The following PRRC2C variants were observed in gnomAD, a reference collection of about 807,000 sequenced individuals.
PRRC2C encodes the protein protein PRRC2C.
A neutral mutation model predicts 317.2 loss-of-function variants in PRRC2C; 72 were observed. That is an observed-to-expected ratio of 0.23 (90% CI 0.19 to 0.28). PRRC2C has a LOEUF of 0.28. PRRC2C is among the 10% of genes least tolerant of loss of function. The probability of loss-of-function intolerance (pLI) is 1.00; values close to 1 mark genes in which losing one functional copy is unlikely to be tolerated. For missense variants in PRRC2C, 3,074 were observed against 3,459.7 expected (o/e 0.89, Z 2.80); for synonymous variants, 1,296 against 1,205.9 (o/e 1.07, Z -1.55).
chr1:171,584,482 A>G lies in PRRC2C; in HGVS notation c.7705A>G (p.Thr2569Ala). ...TGGACAAGTACAACAGCCTGGTCAGACAAATTTTTATAACACTGCCCAGTC... is the reference window on the plus strand; with the variant it reads ...TGGACAAGTACAACAGCCTGGTCAGGCAAATTTTTATAACACTGCCCAGTC... Reference protein sequence around the residue: ...YSGQVQQPGQTNFYNTAQSPS... With the variant: ...YSGQVQQPGQANFYNTAQSPS... The change falls in exon 30 of 35, where the codon ACA becomes GCA. Residue 2569 changes from threonine (T) to alanine (A), a missense_variant. By Grantham distance (58) the Thr-to-Ala change is moderately conservative. Transcript: ENST00000647382. 2 of 1,595,384 alleles carry G rather than the reference A, an allele frequency of 1.3e-6. No individual in the cohort carries two copies. The highest frequency in any genetic ancestry group is 1.7e-6 in the Non-Finnish European group (2 of 1,170,230).
At chr1:171,572,588 T>G (rs545746056) in intron 24 of PRRC2C, among the ~76,000 whole-genome samples, 10 of 152,220 alleles carry the variant, frequency 6.6e-5, no homozygotes, top group Admixed American at 3.9e-4. Context: ...GCTTCTGCTT[T>G]GTGCCATCCC....
intron 12 of PRRC2C, among the ~76,000 whole-genome samples, chr1:171,533,223 T>C (rs906531512): frequency 6.6e-6 from 1 of 152,226 alleles, no homozygotes; most frequent in Non-Finnish European, 1.5e-5. Flanking sequence ...TAGTCACATA[T>C]ACTGATTCTC....
At chr1:171,535,159 A>T (rs939011077) in intron 12 of PRRC2C, among the ~76,000 whole-genome samples, 14 of 144,550 alleles carry the variant, frequency 9.7e-5, no homozygotes, top group Admixed American at 5.5e-4. Flanking sequence ...TTCATTATTT[A>T]AAAAAAAAAA....
chr1:171,503,682 A>G (rs993602413), intron 1 of PRRC2C, among the ~76,000 whole-genome samples: 3 of 152,088 alleles, frequency 2.0e-5, no homozygotes, highest in Non-Finnish European at 4.4e-5. Flanking sequence ...TTAAATTTGC[A>G]TTTCCCAAAT....
In PRRC2C at chr1:171,540,061, C is replaced by T. The variant is rs1272608242; in HGVS notation, c.2595C>T (p.Ile865=). 2.5e-6 allele frequency: 4 copies of T among 1,613,736 alleles called. No individual in the cohort carries two copies. Among genetic ancestry groups the T allele is most frequent in the East Asian group, 4.5e-5 (2 of 44,902 alleles). The part of the protein sequence containing the change: ...QLEAHPKADF[I]RESSEAQVQK... ...AGGCTCACCCAAAGGCAGACTTTAT[C>T]AGAGAATCAAGTGAGGCACAAGTAC... Residue 865 remains isoleucine (I), a synonymous_variant, in exon 16 of 35, where the codon ATC becomes ATT. Coordinates refer to ENST00000647382, the MANE Select transcript of PRRC2C (RefSeq NM_001387844.1).
chr1:171,588,859 T>A (rs1257428216), intron 33 of PRRC2C, among the ~76,000 whole-genome samples: 2 of 152,230 alleles, frequency 1.3e-5, no homozygotes, highest in South Asian at 4.1e-4. Flanking sequence ...TTAAGATATT[T>A]ATGTGCAATT....
Position 171,557,833 on chromosome 1 carries a change from C to G in PRRC2C, c.5721C>G (p.Ala1907=), listed in dbSNP as rs1297270232. 1 of 1,548,122 alleles carries G rather than the reference C, an allele frequency of 6.5e-7. No homozygotes were observed. The highest frequency in any genetic ancestry group is 2.0e-5 in the Admixed American group (1 of 50,860). The change falls in exon 19 of 35, where the codon GCC becomes GCG. Residue 1907 remains alanine (A), a synonymous_variant. Transcript: ENST00000647382. ...ASAPTASVPL[A]PASASAPAPA... ...CCCCAACTGCCTCAGTCCCACTTGC[C>G]CCTGCCTCAGCTTCAGCCCCAGCCC...
intron 28 of PRRC2C, among the ~76,000 whole-genome samples, chr1:171,581,362 G>A (rs1395560942): frequency 2.6e-5 from 4 of 152,176 alleles, no homozygotes; most frequent in South Asian, 2.1e-4. Context: ...GTTTGCAACC[G>A]CTTTTCAGTA....
At chr1:171,545,711 T>G (rs1218551917) in intron 17 of PRRC2C, 24 bp downstream of exon 17, 1 of 644,038 alleles carries the variant, frequency 1.6e-6, no homozygotes, top group Non-Finnish European at 2.0e-6. Context: ...TTCTTTCATT[T>G]TATTTATTTA....
rs557279769 is a variant in PRRC2C, at chr1:171,523,801, C to T, written c.1055+279C>T. Among the ~76,000 whole-genome samples, 115 of 151,934 alleles carry T rather than the reference C, an allele frequency of 7.6e-4. No homozygotes were observed. In the South Asian group the frequency reaches 0.011, roughly 14 times the overall value. On this transcript the variant is annotated intron_variant, in intron 9 of 34. Transcript: ENST00000647382. Reference sequence around the variant, plus strand: ...CTGTAATCCCAGCACTTTGGGAGGCCGAGGCAGGCAGATCACTTGAGGTCA... The same window carrying T: ...CTGTAATCCCAGCACTTTGGGAGGCTGAGGCAGGCAGATCACTTGAGGTCA...
rs189293 is a variant in PRRC2C at position 171,558,159 on chromosome 1, G to T, written c.6031+16G>T. 1 of 1,597,330 alleles carries T rather than the reference G, an allele frequency of 6.3e-7. No individual in the cohort carries two copies. The highest frequency in any genetic ancestry group is 8.6e-7 in the Non-Finnish European group (1 of 1,169,546). On this transcript the variant is annotated intron_variant, in intron 19 of 34. Transcript: ENST00000647382. ...TCTAAGAAATGTAAGTTGCAAAAGA[G>T]AAGTGAGGGGTGGGGAATGGCATAG...
At chr1:171,518,980 T>G (rs866403239) in intron 6 of PRRC2C, among the ~76,000 whole-genome samples, 3 of 151,702 alleles carry the variant, frequency 2.0e-5, no homozygotes, top group African/African-American at 7.3e-5. Context: ...CCTCCTAGGT[T>G]CAAGCAGTTA....
intron 26 of PRRC2C, among the ~76,000 whole-genome samples, chr1:171,577,901 C>T (rs181016620): frequency 2.1e-3 from 316 of 150,624 alleles, no homozygotes; most frequent in African/African-American, 7.5e-3. Flanking sequence ...CCTCAGCCTC[C>T]CAAGTAGCTG....
At chr1:171,542,373 A>C in intron 16 of PRRC2C, 144 bp downstream of exon 16, 3 of 815,880 alleles carry the variant, frequency 3.7e-6, no homozygotes, top group Non-Finnish European at 5.6e-6. Flanking sequence ...CTCTGTTCTC[A>C]AAGTGTAAGG....
chr1:171,527,867 T>G, intron 11 of PRRC2C, 23 bp downstream of exon 11: 1 of 1,548,028 alleles, frequency 6.5e-7, no homozygotes, highest in Non-Finnish European at 8.8e-7. Flanking sequence ...TGCTTGTTTA[T>G]GGATTATATA....
chr1:171,532,765 A>G lies in PRRC2C; in HGVS notation c.1677A>G (p.Lys559=). 6.5e-7 allele frequency: 1 copy of G among 1,533,262 alleles called. No homozygotes were observed. The highest frequency in any genetic ancestry group is 1.4e-5 in the African/African-American group (1 of 71,430). The allele number at this position is 1,533,262 out of a possible 1,614,324, so 95.0% of individuals were successfully genotyped here. The part of the protein sequence containing the change: ...KEQEKQREME[K]ERKQEKEKEL... Reference sequence around the variant, plus strand: ...AGGAAAAACAAAGAGAAATGGAGAAAGAAAGAAAGCAAGAAAAAGAAAAAG... The same window carrying G: ...AGGAAAAACAAAGAGAAATGGAGAAGGAAAGAAAGCAAGAAAAAGAAAAAG... Residue 559 remains lysine (K), a synonymous_variant, in exon 12 of 35, where the codon AAA becomes AAG. Transcript: ENST00000647382.
At chr1:171,498,887 G>C (rs1336821948) in intron 1 of PRRC2C, among the ~76,000 whole-genome samples, 2 of 152,236 alleles carry the variant, frequency 1.3e-5, no homozygotes, top group East Asian at 3.9e-4. Context: ...CTGCAGCCTG[G>C]AACTCCTGGG....
rs1199725174 is a variant in PRRC2C at position 171,527,853 on chromosome 1, T to G, written c.1254+9T>G. The G allele has an allele frequency of 6.4e-7, 1 of 1,567,826 alleles. No homozygotes were observed. The highest frequency in any genetic ancestry group is 1.4e-5 in the African/African-American group (1 of 73,632). On this transcript the variant is annotated intron_variant, in intron 11 of 34. Transcript: ENST00000647382. ...AGTTGCTTGCACAGCAGGTAAATTT[T>G]AAGTGCTTGTTTATGGATTATATAT...
chr1:171,495,417 A>G (rs1243787548), intron 1 of PRRC2C, among the ~76,000 whole-genome samples: 1 of 152,234 alleles, frequency 6.6e-6, no homozygotes, highest in Non-Finnish European at 1.5e-5. Flanking sequence ...ATTATTTCAT[A>G]TGCCATGTTT....
Sources: gnomAD v4.1 joint callset for allele counts (sites outside exome capture counted in the v4.1 genomes callset) on GRCh38, gnomAD v4.1.1 for gene constraint, MANE v1.5 for transcripts, NCBI Gene and HGNC (gene_info 2026-07-23, HGNC 2026-07-21) for gene names.